Variants in LMNB1 observed in about 807,000 individuals in gnomAD.
LMNB1 encodes the protein lamin B1.
A neutral mutation model predicts 67.1 loss-of-function variants in LMNB1; 23 were observed. That is an observed-to-expected ratio of 0.34 (90% confidence interval 0.25 to 0.49). The LOEUF is 0.49. Among genes scored for constraint, LMNB1 ranks in the 20% least tolerant of loss-of-function variants. The pLI, the probability that LMNB1 is intolerant of heterozygous loss-of-function variation, is 0.99. For missense variants in LMNB1, 634 were observed against 746.5 expected, an observed-to-expected ratio of 0.85 and a Z score of 1.76; for synonymous variants, 281 against 282.9, an observed-to-expected ratio of 0.99 and a Z score of 0.07.
chr5:126,787,949 A>T (rs1750851214), intron 1 of LMNB1, among the ~76,000 whole-genome samples: 1 of 151,992 alleles, frequency 6.6e-6, no homozygotes. Flanking sequence ...TTGTGACATG[A>T]TCATTCTGGC....
At chr5:126,812,037 C>A (rs1751590793) in intron 5 of LMNB1, 139 bp downstream of exon 5, 1 of 750,504 alleles carries the variant, frequency 1.3e-6, no homozygotes, top group Admixed American at 2.8e-5. Flanking sequence ...TTCGTCTTCA[C>A]AGTACTTTTC....
intron 10 of LMNB1, among the ~76,000 whole-genome samples, chr5:126,834,218 T>C (rs1407552542): frequency 6.6e-6 from 1 of 152,110 alleles, no homozygotes; most frequent in Admixed American, 6.5e-5. Context: ...TTTTCTTTTT[T>C]TTTTTTGAGA....
intron 1 of LMNB1, among the ~76,000 whole-genome samples, chr5:126,779,985 T>G (rs1454125029): frequency 6.6e-6 from 1 of 151,596 alleles, no homozygotes; most frequent in South Asian, 2.1e-4. Context: ...TGAGCTGAGA[T>G]TGCGCCATTG....
chr5:126,797,166 T>G (rs1751126416), intron 1 of LMNB1, among the ~76,000 whole-genome samples: 1 of 152,236 alleles, frequency 6.6e-6, no homozygotes, highest in Admixed American at 6.5e-5. Context: ...CAAGCTTACT[T>G]GAAATGAAAG....
rs926052156 is a variant in LMNB1 at position 126,832,756 on chromosome 5, A to G, written c.1674A>G (p.Glu558=). ...TTIPEEEEEE[E]EAAGVVVEEE... ...TACCTGAAGAAGAGGAGGAGGAGGA[A>G]GAAGCAGCTGGAGTGGTTGTTGAGG... The change falls in exon 10 of 11, where the codon GAA becomes GAG. Residue 558 remains glutamate (E), a synonymous_variant. Transcript: ENST00000261366. The G allele has an allele frequency of 4.3e-6, 7 of 1,612,652 alleles. No homozygotes were observed. The highest frequency in any genetic ancestry group is 4.2e-6 in the Non-Finnish European group (5 of 1,178,998).
intron 3 of LMNB1, among the ~76,000 whole-genome samples, chr5:126,807,067 G>A (rs1442853472): frequency 3.3e-5 from 5 of 152,168 alleles, no homozygotes; most frequent in East Asian, 1.9e-4. Context: ...GTGAGCCACC[G>A]TGCCCGGCTC....
At chr5:126,828,803 CGT>C (rs1554115602) in intron 9 of LMNB1, among the ~76,000 whole-genome samples, 66 of 145,886 alleles carry the variant, frequency 4.5e-4, no homozygotes, top group Middle Eastern at 6.5e-3. Context: ...CCTTGTGATC[CGT>C]CACCTCGGCC....
intron 9 of LMNB1, 61 bp from the exon 10 acceptor site, chr5:126,832,633 C>T: frequency 3.3e-6 from 4 of 1,205,238 alleles, no homozygotes; most frequent in Middle Eastern, 1.9e-4. Flanking sequence ...GAAAAGGTCC[C>T]TCTCCCCCGC....
In LMNB1 at chr5:126,811,871, A is replaced by C; in HGVS notation, c.912A>C (p.Ser304=). 1.9e-6 allele frequency: 3 copies of C among 1,612,986 alleles called. No homozygotes were observed. The highest frequency in any genetic ancestry group is 1.1e-5 in the South Asian group (1 of 91,036). Residue 304 remains serine, a synonymous_variant, in exon 5 of 11, where the codon TCA becomes TCC. Coordinates refer to ENST00000261366, the MANE Select transcript of LMNB1 (RefSeq NM_005573.4). The part of the protein sequence containing the change: ...MESRMRIESL[S]SQLSNLQKES... ...GCCGCATGAGAATTGAGAGCCTTTC[A>C]TCCCAGCTTTCTAATCTACAGAAAG... is the stretch of plus-strand genomic sequence containing the variant.
intron 1 of LMNB1, among the ~76,000 whole-genome samples, chr5:126,800,612 T>TTGA (rs1051623901): frequency 2.0e-5 from 3 of 146,934 alleles, no homozygotes; most frequent in Non-Finnish European, 4.5e-5. Flanking sequence ...GGGATGGGGC[T>TTGA]TGATGGGACA....
At chr5:126,804,566 C>T (rs747703180) in intron 1 of LMNB1, among the ~76,000 whole-genome samples, 2 of 152,032 alleles carry the variant, frequency 1.3e-5, no homozygotes, top group African/African-American at 4.8e-5. Context: ...CGTCTTTGAC[C>T]CATAGTTATT....
intron 1 of LMNB1, among the ~76,000 whole-genome samples, chr5:126,798,104 C>T (rs1041150794): frequency 6.6e-6 from 1 of 151,872 alleles, no homozygotes; most frequent in Non-Finnish European, 1.5e-5. Context: ...CCACTGCACT[C>T]CAGTCTGGGC....
chr5:126,779,849 G>T (rs989848408), intron 1 of LMNB1, among the ~76,000 whole-genome samples: 4 of 152,216 alleles, frequency 2.6e-5, no homozygotes, highest in African/African-American at 9.7e-5. Flanking sequence ...TGGCTAACAA[G>T]GTGAAACCCC....
rs1195561803 is a variant in LMNB1 at position 126,836,994 on chromosome 5, CAAAT to C, written c.*734_*737del. On this transcript the variant is annotated 3_prime_UTR_variant, in exon 11 of 11. Transcript: ENST00000261366. Reference sequence around the variant, plus strand: ...GCTTAAATTTCTTATGTGACATTAACAAATAAAAAAGCTCTTTTAATATTGATAT... The same window carrying C: ...GCTTAAATTTCTTATGTGACATTAACAAAAAAGCTCTTTTAATATTGATAT... The C allele has an allele frequency of 2.5e-6, 1 of 397,362 alleles. No individual in the cohort carries two copies. The highest frequency in any genetic ancestry group is 4.4e-6 in the Non-Finnish European group (1 of 225,518). 24.6% of individuals were successfully genotyped at this position (397,362 alleles called of 1,614,324 possible). A position where few individuals can be genotyped will look rare whatever the true frequency, so the allele number is the denominator to read the frequency against.
chr5:126,778,504 C>T (rs925031926), intron 1 of LMNB1, among the ~76,000 whole-genome samples: 17 of 152,258 alleles, frequency 1.1e-4, no homozygotes, highest in Admixed American at 6.5e-4. Flanking sequence ...GAGAGAGAGG[C>T]GGAGCTTGAT....
chr5:126,819,039 A>G lies in LMNB1; in HGVS notation c.1057A>G (p.Met353Val). 1 of 1,614,180 alleles carries G rather than the reference A, an allele frequency of 6.2e-7. No individual in the cohort carries two copies. Among genetic ancestry groups the G allele is most frequent in the Non-Finnish European group, 8.5e-7 (1 of 1,180,008 alleles). ...EREMAEIRDQ[M>V]QQQLNDYEQL... is the part of the protein sequence containing the mutation. The stretch of plus-strand genomic sequence containing the variant: ...AGAGATGGCGGAAATAAGGGATCAA[A>G]TGCAGCAACAGCTGAATGACTATGA... The change falls in exon 6 of 11, where the codon ATG becomes GTG. Residue 353 changes from methionine (M) to valine (V), a missense_variant. Transcript: ENST00000261366.
At chr5:126,807,377 A>T (rs1051680357) in intron 3 of LMNB1, among the ~76,000 whole-genome samples, 10 of 152,244 alleles carry the variant, frequency 6.6e-5, no homozygotes, top group Middle Eastern at 3.2e-3. Context: ...ATTATTTTTT[A>T]AAATTACAGG....
Position 126,798,372 on chromosome 5 carries a change from C to T in LMNB1, c.360-6404C>T, listed in dbSNP as rs540905305. Among the ~76,000 whole-genome samples the T allele has an allele frequency of 2.0e-5, 3 of 152,224 alleles. No homozygotes were observed. The South Asian group carries it at 6.2e-4, about 32-fold the overall frequency. On this transcript the variant is annotated intron_variant, in intron 1 of 10. Coordinates refer to ENST00000261366, the MANE Select transcript of LMNB1 (RefSeq NM_005573.4). ...GGCTGAGGCAGGTGAATGGCGTGAA[C>T]CCAGGAGGCGGAGCTTGCAGTGAGC... is the stretch of plus-strand genomic sequence containing the variant.
At chr5:126,781,833 A>G (rs923520439) in intron 1 of LMNB1, among the ~76,000 whole-genome samples, 1 of 152,258 alleles carries the variant, frequency 6.6e-6, no homozygotes, top group African/African-American at 2.4e-5. Flanking sequence ...AGAGAATTAT[A>G]GATTCCAGGT....
Sources: allele counts gnomAD v4.1 joint callset (sites outside exome capture counted in the v4.1 genomes callset), GRCh38; gene constraint gnomAD v4.1.1; transcripts MANE v1.5; gene names NCBI Gene and HGNC (gene_info 2026-07-23, HGNC 2026-07-21).